TNC: variants seen among roughly 807,000 people sequenced by gnomAD.
TNC encodes tenascin C, also known as tenascin.
Under a neutral mutation model 202.4 loss-of-function variants are expected in TNC, and 109 were observed. The observed-to-expected ratio is 0.54, with a 90% confidence interval of 0.46 to 0.63. The LOEUF (loss-of-function observed/expected upper bound fraction) is 0.63, where lower values mean the gene tolerates loss of function less well. Ranked by LOEUF, TNC falls within the 30% of genes least tolerant of loss-of-function variation. The probability of loss-of-function intolerance (pLI) is 0.00; values close to 1 mark genes in which losing one functional copy is unlikely to be tolerated. For missense variants in TNC, 2,756 were observed against 2,833.3 expected, an observed-to-expected ratio of 0.97 and a Z score of 0.62; for synonymous variants, 1,007 against 1,089.7, an observed-to-expected ratio of 0.92 and a Z score of 1.50.
intron 10 of TNC, among the ~76,000 whole-genome samples, chr9:115,065,675 G>A (rs1053926602): frequency 5.9e-5 from 9 of 151,968 alleles, no homozygotes; most frequent in African/African-American, 2.2e-4. Context: ...GCCAAGGTGG[G>A]CAGATCATAT....
chr9:115,054,328 G>A lies in TNC; in HGVS notation c.4579+2825C>T, dbSNP rs141701691. On this transcript the variant is annotated intron_variant, in intron 15 of 27. Transcript: ENST00000350763. Reference sequence around the variant, plus strand: ...AGAATATAGCCATTAGCATTGACATGGGATATCCTCCTTATCAATTAGTTT... The same window carrying A: ...AGAATATAGCCATTAGCATTGACATAGGATATCCTCCTTATCAATTAGTTT... Among the ~76,000 whole-genome samples the A allele has an allele frequency of 2.7e-3, 413 of 152,286 alleles. 2 individuals carry two copies. The highest frequency in any genetic ancestry group is 9.5e-3 in the African/African-American group (393 of 41,548).
chr9:115,067,100 G>C (rs1833012563), intron 10 of TNC, among the ~76,000 whole-genome samples: 1 of 152,184 alleles, frequency 6.6e-6, no homozygotes, highest in African/African-American at 2.4e-5. Flanking sequence ...TCTAGATTTA[G>C]GAAAAGAAAG....
intron 15 of TNC, among the ~76,000 whole-genome samples, chr9:115,050,170 T>A (rs1831539089): frequency 6.6e-6 from 1 of 152,218 alleles, no homozygotes; most frequent in African/African-American, 2.4e-5. Context: ...ATCAAAGCAG[T>A]GAATTCCAAT....
chr9:115,073,636 T>C lies in TNC; in HGVS notation c.3181A>G (p.Lys1061Glu), dbSNP rs758564923. 2.5e-5 allele frequency: 40 copies of C among 1,614,162 alleles called. No individual in the cohort carries two copies. Among genetic ancestry groups the C allele is most frequent in the Non-Finnish European group, 3.4e-5 (40 of 1,180,012 alleles). The change falls in exon 10 of 28, where the codon AAG becomes GAG. Residue 1061 changes from lysine to glutamate, a missense_variant. Physicochemically the swap from Lys to Glu is moderately conservative, Grantham distance 56 (BLOSUM62 1). Coordinates refer to ENST00000350763, the MANE Select transcript of TNC (RefSeq NM_002160.4). ...VLLTAEKGRH[K>E]SKPARVKAST... Reference sequence around the variant, plus strand: ...GCCTTCACACGTGCGGGCTTGCTCTTGTGTCTGCCTTTCTCGGCTGTCAGG... The same window carrying C: ...GCCTTCACACGTGCGGGCTTGCTCTCGTGTCTGCCTTTCTCGGCTGTCAGG...
chr9:115,087,631 T>A (rs768251473), intron 2 of TNC, among the ~76,000 whole-genome samples: 2 of 151,966 alleles, frequency 1.3e-5, no homozygotes, highest in Admixed American at 6.6e-5. Context: ...ACTATTCCTA[T>A]GATGATTATG....
chr9:115,026,613 A>G lies in TNC; in HGVS notation c.6252T>C (p.Phe2084=), dbSNP rs769735231. ...VDLRDHGETA[F]AVYDKFSVGD... ...CCACGCTGAACTTGTCATAGACAGC[A>G]AAGGCTGTCTCCCCATGGTCCCGCA... The change falls in exon 26 of 28, where the codon TTT becomes TTC. Residue 2084 remains phenylalanine, a synonymous_variant. Transcript: ENST00000350763. The G allele has an allele frequency of 6.2e-7, 1 of 1,613,916 alleles. No homozygotes were observed. The highest frequency in any genetic ancestry group is 8.5e-7 in the Non-Finnish European group (1 of 1,179,884).
chr9:115,104,637 G>A (rs949125208), intron 1 of TNC, among the ~76,000 whole-genome samples: 2 of 152,192 alleles, frequency 1.3e-5, no homozygotes, highest in African/African-American at 4.8e-5. Flanking sequence ...AAAGCTATAA[G>A]TGCCTGACAT....
intron 26 of TNC, among the ~76,000 whole-genome samples, chr9:115,024,890 C>A (rs948549621): frequency 5.3e-5 from 8 of 152,140 alleles, no homozygotes; most frequent in African/African-American, 1.9e-4. Flanking sequence ...CACTCCCAAT[C>A]CAGACAAGTG....
intron 1 of TNC, among the ~76,000 whole-genome samples, chr9:115,109,096 G>A (rs943615386): frequency 3.5e-4 from 53 of 152,152 alleles, no homozygotes; most frequent in African/African-American, 1.3e-3. Flanking sequence ...AGTACCAAGT[G>A]TTTCCCAAAC....
At chr9:115,069,520 C>T (rs73553161) in intron 10 of TNC, among the ~76,000 whole-genome samples, 1 of 150,782 alleles carries the variant, frequency 6.6e-6, no homozygotes, top group Admixed American at 6.6e-5. Flanking sequence ...GGGAATGATG[C>T]CTGGTACACA....
intron 2 of TNC, among the ~76,000 whole-genome samples, chr9:115,089,660 C>T (rs750943786): frequency 2.0e-5 from 3 of 152,146 alleles, no homozygotes; most frequent in Non-Finnish European, 2.9e-5. Context: ...ACCACCACAC[C>T]CTGCTAATTT....
Position 115,078,037 on chromosome 9 carries a change from G to C in TNC, c.2580C>G (p.Ile860Met). ...DLTEDENQYS[I>M]GNLKPDTEYE... ...ACTCAGTGTCAGGCTTCAGGTTCCC[G>C]ATGGAGTACTGGTTCTCGTCCTCTG... is the stretch of plus-strand genomic sequence containing the variant. The change falls in exon 7 of 28, where the codon ATC becomes ATG. Residue 860 changes from isoleucine to methionine, a missense_variant. Physicochemically the swap from Ile to Met is conservative, Grantham distance 10 (BLOSUM62 1). Transcript: ENST00000350763. 6.2e-7 allele frequency: 1 copy of C among 1,614,230 alleles called. No individual in the cohort carries two copies. The highest frequency in any genetic ancestry group is 8.5e-7 in the Non-Finnish European group (1 of 1,180,042).
rs746790732 is a variant in TNC, at chr9:115,086,947, T to C, written c.784A>G (p.Thr262Ala). The change falls in exon 3 of 28, where the codon ACA (threonine) becomes GCA (alanine). Residue 262 changes from threonine to alanine, a missense_variant. By Grantham distance (58) the Thr-to-Ala change is moderately conservative. Around this residue, in one of 2 missense-constraint regions of TNC, gnomAD observed 2,559 missense variants for 2,546.0 expected, o/e 1.01. Coordinates refer to ENST00000350763, the MANE Select transcript of TNC (RefSeq NM_002160.4). Reference protein sequence around the residue: ...CPVPCSEEHGTCVDGLCVCHD... With the variant: ...CPVPCSEEHGACVDGLCVCHD... ...CACACACACAAGCCATCTACACATG[T>C]GCCGTGCTCCTCACTGCAGGGCACT... 1.2e-6 allele frequency: 2 copies of C among 1,614,224 alleles called. No individual in the cohort carries two copies. Among genetic ancestry groups the C allele is most frequent in the East Asian group, 4.5e-5 (2 of 44,890 alleles).
chr9:115,080,213 C>A (rs1834196365), intron 6 of TNC, among the ~76,000 whole-genome samples: 1 of 152,140 alleles, frequency 6.6e-6, no homozygotes, highest in South Asian at 2.1e-4. Flanking sequence ...GCAGACAATT[C>A]CCAAATTTAG....
At chr9:115,094,315 ATCTAGATCAAAGAGG>A (rs1835453399) in intron 1 of TNC, among the ~76,000 whole-genome samples, 2 of 152,210 alleles carry the variant, frequency 1.3e-5, no homozygotes, top group African/African-American at 4.8e-5. Flanking sequence ...AGCAACTTGG[ATCTAGATCAAAGAGG>A]AGCTGCAGAA....
chr9:115,073,944 C>G, intron 9 of TNC, 78 bp from the exon 10 acceptor site: 1 of 1,468,890 alleles, frequency 6.8e-7, no homozygotes, highest in Non-Finnish European at 9.2e-7. Flanking sequence ...TCAACTGCAT[C>G]TGGGCTGGAA....
intron 2 of TNC, 114 bp from the exon 3 acceptor site, chr9:115,087,387 C>T (rs10982518): frequency 2.9e-6 from 3 of 1,029,546 alleles, no homozygotes; most frequent in African/African-American, 3.2e-5. Flanking sequence ...CCCTCAGGCT[C>T]CATCTGGCTT....
At chr9:115,113,468 C>T (rs10982541) in intron 1 of TNC, among the ~76,000 whole-genome samples, 15,397 of 152,106 alleles carry the variant, frequency 0.1, 1,043 homozygotes, top group African/African-American at 0.19. Context: ...TTAGCTATTA[C>T]GATTATCCCC....
intron 10 of TNC, among the ~76,000 whole-genome samples, chr9:115,065,255 G>T (rs931613175): frequency 1.3e-5 from 2 of 152,036 alleles, no homozygotes; most frequent in African/African-American, 4.8e-5. Context: ...AATTAGCCAG[G>T]CGTGTTGGTG....
Sources: gnomAD v4.1 joint callset for allele counts (sites outside exome capture counted in the v4.1 genomes callset) on GRCh38, gnomAD v4.1.1 for gene constraint, gnomAD v4.1.1 regional missense constraint, MANE v1.5 for transcripts, NCBI Gene and HGNC (gene_info 2026-07-23, HGNC 2026-07-21) for gene names.